Variants in SPAG9 observed in about 807,000 individuals in gnomAD.
The protein encoded by SPAG9 is C-Jun-amino-terminal kinase-interacting protein 4.
Under a neutral mutation model 166.5 loss-of-function variants are expected in SPAG9, and 35 were observed. That is an observed-to-expected ratio of 0.21 (90% CI 0.16 to 0.28). The LOEUF is 0.28. Ranked by LOEUF, SPAG9 falls within the 10% of genes least tolerant of loss-of-function variation. The pLI, the probability that SPAG9 is intolerant of heterozygous loss-of-function variation, is 1.00. For missense variants in SPAG9, 1,235 were observed against 1,603.3 expected, an observed-to-expected ratio of 0.77 and a Z score of 3.92; for synonymous variants, 534 against 565.5, an observed-to-expected ratio of 0.94 and a Z score of 0.79.
intron 28 of SPAG9, among the ~76,000 whole-genome samples, chr17:50,971,808 C>T (rs977631030): frequency 5.9e-5 from 9 of 151,786 alleles, no homozygotes; most frequent in African/African-American, 1.9e-4. Context: ...GCTCTTGTGG[C>T]CCAGGTTAGA....
intron 3 of SPAG9, among the ~76,000 whole-genome samples, chr17:51,053,854 A>ATATATATATAT (rs1491529465): frequency 1.7e-4 from 6 of 34,450 alleles, no homozygotes; most frequent in South Asian, 9.6e-4. Flanking sequence ...AAAAAAAAAA[A>ATATATATATAT]GTATATATAT....
At chr17:50,977,383 G>C (rs1974279679) in intron 26 of SPAG9, among the ~76,000 whole-genome samples, 162 bp from the exon 27 acceptor site, 2 of 152,168 alleles carry the variant, frequency 1.3e-5, no homozygotes, top group Admixed American at 1.3e-4. Context: ...AGAGCTAGAT[G>C]GATGTTTCCT....
At chr17:51,007,872 T>A (rs756462815) in intron 9 of SPAG9, 3 of 446,994 alleles carry the variant, frequency 6.7e-6, no homozygotes, top group African/African-American at 6.0e-5. Context: ...ATGCATTCCA[T>A]GTAAAGCAAA....
intron 28 of SPAG9, among the ~76,000 whole-genome samples, chr17:50,971,123 G>A (rs1014430080): frequency 6.6e-6 from 1 of 152,042 alleles, no homozygotes; most frequent in African/African-American, 2.4e-5. Flanking sequence ...GACCAGCCTG[G>A]CAAATATAGT....
intron 19 of SPAG9, 34 bp downstream of exon 19, chr17:50,993,730 G>A: frequency 6.2e-7 from 1 of 1,605,226 alleles, no homozygotes; most frequent in Non-Finnish European, 8.5e-7. Flanking sequence ...GGTGGATGGA[G>A]GGGAGGGCAG....
At chr17:50,976,015 C>A (rs1394881250) in intron 27 of SPAG9, 6 of 776,432 alleles carry the variant, frequency 7.7e-6, no homozygotes, top group Non-Finnish European at 2.2e-6. Flanking sequence ...TGCTCAAAGC[C>A]CCTAACGAAA....
chr17:51,035,805 G>A (rs1023868937), intron 5 of SPAG9, among the ~76,000 whole-genome samples: 1 of 152,096 alleles, frequency 6.6e-6, no homozygotes, highest in African/African-American at 2.4e-5. Context: ...CAGATCTAAA[G>A]GTCACATTCT....
intron 5 of SPAG9, among the ~76,000 whole-genome samples, chr17:51,034,874 TGAGAAATCA>T (rs1369679182): frequency 1.3e-5 from 2 of 151,898 alleles, no homozygotes; most frequent in Non-Finnish European, 2.9e-5. Flanking sequence ...AATCTAATAA[TGAGAAATCA>T]GAGAAGCCCA....
intron 28 of SPAG9, 36 bp from the exon 29 acceptor site, chr17:50,970,892 T>A (rs767338099): frequency 4.5e-6 from 7 of 1,557,730 alleles, no homozygotes; most frequent in Non-Finnish European, 6.1e-6. Context: ...ATATTACTTA[T>A]CACAGAAGGG....
At chr17:51,026,991 A>G (rs1475966489) in intron 6 of SPAG9, among the ~76,000 whole-genome samples, 1 of 152,034 alleles carries the variant, frequency 6.6e-6, no homozygotes, top group Admixed American at 6.6e-5. Flanking sequence ...ACCATTTTTG[A>G]AAGAGGTCTT....
intron 12 of SPAG9, among the ~76,000 whole-genome samples, chr17:51,004,200 C>T (rs559777450): frequency 2.4e-4 from 36 of 152,180 alleles, no homozygotes; most frequent in African/African-American, 7.9e-4. Flanking sequence ...AGGATAGCAG[C>T]TTTCTCTGCA....
intron 1 of SPAG9, among the ~76,000 whole-genome samples, chr17:51,089,653 T>TATAC (rs2048406412): frequency 9.7e-6 from 1 of 102,850 alleles, no homozygotes; most frequent in Non-Finnish European, 2.0e-5. Context: ...TATATATATA[T>TATAC]ATATATATAT....
chr17:51,076,982 TTATCTAGCTATCTAGC>T (rs1322983578), intron 2 of SPAG9, among the ~76,000 whole-genome samples: 1 of 99,414 alleles, frequency 1.0e-5, no homozygotes, highest in Non-Finnish European at 2.2e-5. Flanking sequence ...TCTATCTATC[TTATCTAGCTATCTAGC>T]TATCTAGCTA....
chr17:51,082,390 A>C (rs1193747106), intron 1 of SPAG9, among the ~76,000 whole-genome samples: 1 of 151,118 alleles, frequency 6.6e-6, no homozygotes, highest in Admixed American at 6.6e-5. Flanking sequence ...AAAAAAAAAA[A>C]AAAAAAAAAA....
intron 24 of SPAG9, among the ~76,000 whole-genome samples, chr17:50,984,114 G>A (rs558136320): frequency 3.2e-4 from 48 of 152,140 alleles, no homozygotes; most frequent in Non-Finnish European, 6.0e-4. Flanking sequence ...AAGGAGTTAC[G>A]GAGGAATACA....
chr17:51,068,436 C>T (rs1279624160), intron 2 of SPAG9, among the ~76,000 whole-genome samples: 1 of 152,138 alleles, frequency 6.6e-6, no homozygotes, highest in African/African-American at 2.4e-5. Flanking sequence ...CAAAGAATCC[C>T]AGCGGTAGAA....
Position 50,977,312 on chromosome 17 carries a change from CA to C in SPAG9, c.3410-92del, listed in dbSNP as rs375094795. ...CCTTAGAAGTAGCAGGATTACAAAACAAAAAAAAAAGAAAGAAAGTAGTAGT... is the reference window on the plus strand; with the variant it reads ...CCTTAGAAGTAGCAGGATTACAAAACAAAAAAAAAGAAAGAAAGTAGTAGT... On this transcript the variant is annotated intron_variant, in intron 26 of 29. Transcript: ENST00000262013. 7.8e-3 allele frequency: 4,852 copies of C among 621,836 alleles called. 1 individual carries two copies. The highest frequency in any genetic ancestry group is 9.4e-3 in the East Asian group (293 of 31,320). 38.5% of individuals were successfully genotyped at this position (621,836 alleles called of 1,614,324 possible). A position where few individuals can be genotyped will look rare whatever the true frequency, so the allele number is the denominator to read the frequency against.
At chr17:51,092,101 G>A (rs931600553) in intron 1 of SPAG9, among the ~76,000 whole-genome samples, 1 of 151,860 alleles carries the variant, frequency 6.6e-6, no homozygotes, top group African/African-American at 2.4e-5. Context: ...TATAGTACTT[G>A]TCTAAAAAAT....
At chr17:51,078,790 TA>T (rs996034173) in intron 2 of SPAG9, among the ~76,000 whole-genome samples, 1 of 151,928 alleles carries the variant, frequency 6.6e-6, no homozygotes, top group Non-Finnish European at 1.5e-5. Context: ...ATTTTTCCAT[TA>T]AAAAAAGGAG....
Sources: allele counts gnomAD v4.1 joint callset (sites outside exome capture counted in the v4.1 genomes callset), GRCh38; gene constraint gnomAD v4.1.1; transcripts MANE v1.5; gene names NCBI Gene and HGNC (gene_info 2026-07-23, HGNC 2026-07-21).